PPME1: variants seen among roughly 807,000 people sequenced by gnomAD.
PPME1 encodes the protein testicular secretory protein Li 39.
Under a neutral mutation model 56.9 loss-of-function variants are expected in PPME1, and 17 were observed. The observed-to-expected ratio is 0.30, with a 90% confidence interval of 0.20 to 0.45. The LOEUF is 0.45. Among genes scored for constraint, PPME1 ranks in the 20% least tolerant of loss-of-function variants. The pLI, the probability that PPME1 is intolerant of heterozygous loss-of-function variation, is 1.00. For synonymous variants in PPME1, 122 were observed against 156.2 expected, an observed-to-expected ratio of 0.78 and a Z score of 1.63; for missense variants, 357 against 483.2, an observed-to-expected ratio of 0.74 and a Z score of 2.45.
intron 1 of PPME1, among the ~76,000 whole-genome samples, chr11:74,180,287 T>G (rs964351809): frequency 1.2e-4 from 19 of 152,206 alleles, no homozygotes; most frequent in African/African-American, 3.6e-4. Context: ...ATTGGTCAAC[T>G]GTGTATTCCT....
intron 1 of PPME1, among the ~76,000 whole-genome samples, chr11:74,196,218 T>G (rs950366982): frequency 3.9e-5 from 6 of 152,244 alleles, no homozygotes; most frequent in African/African-American, 1.4e-4. Context: ...AGCCATAGTA[T>G]GAAAATGGCA....
chr11:74,209,118 T>C (rs1858405184), intron 3 of PPME1, among the ~76,000 whole-genome samples: 1 of 152,172 alleles, frequency 6.6e-6, no homozygotes, highest in Non-Finnish European at 1.5e-5. Flanking sequence ...TGTTTGCTTT[T>C]GTTTTTGATA....
chr11:74,183,701 C>T (rs1000972176), intron 1 of PPME1, among the ~76,000 whole-genome samples: 2 of 151,902 alleles, frequency 1.3e-5, no homozygotes, highest in African/African-American at 4.8e-5. Context: ...AATTCTTTTT[C>T]TTAGCTTTTC....
At chr11:74,218,832 A>T (rs1023298240) in intron 3 of PPME1, among the ~76,000 whole-genome samples, 12 of 152,126 alleles carry the variant, frequency 7.9e-5, no homozygotes, top group Non-Finnish European at 1.8e-4. Flanking sequence ...CTGTGGAAAG[A>T]TTTTTTTTGA....
chr11:74,202,841 A>G (rs1858206450), intron 1 of PPME1, among the ~76,000 whole-genome samples: 1 of 152,186 alleles, frequency 6.6e-6, no homozygotes, highest in South Asian at 2.1e-4. Flanking sequence ...CCTTTCCAAG[A>G]TACCATAAAT....
intron 2 of PPME1, among the ~76,000 whole-genome samples, chr11:74,204,081 T>G (rs182303654): frequency 1.3e-5 from 2 of 151,860 alleles, no homozygotes; most frequent in African/African-American, 4.8e-5. Context: ...GTTTCATGAG[T>G]CAAGTGAGTT....
At chr11:74,247,994 TTC>T (rs1859550977) in intron 11 of PPME1, 1 of 152,604 alleles carries the variant, frequency 6.6e-6, no homozygotes, top group South Asian at 2.1e-4. Flanking sequence ...AGCTTTAGTC[TTC>T]TTAATCTGGA....
At chr11:74,183,034 C>A (rs773635890) in intron 1 of PPME1, among the ~76,000 whole-genome samples, 1 of 150,378 alleles carries the variant, frequency 6.6e-6, no homozygotes, top group Non-Finnish European at 1.5e-5. Context: ...CAGTGGCTCA[C>A]GCTTGTAATC....
intron 1 of PPME1, among the ~76,000 whole-genome samples, chr11:74,192,848 TACC>T (rs1400853606): frequency 1.3e-5 from 2 of 152,208 alleles, no homozygotes; most frequent in Non-Finnish European, 2.9e-5. Context: ...CAGATGCTGG[TACC>T]ATGCAGAACC....
intron 9 of PPME1, among the ~76,000 whole-genome samples, chr11:74,240,487 G>T (rs1859328821): frequency 6.6e-6 from 1 of 152,144 alleles, no homozygotes; most frequent in South Asian, 2.1e-4. Context: ...GGATGGTTTC[G>T]ATTATAAACA....
intron 3 of PPME1, among the ~76,000 whole-genome samples, chr11:74,213,917 T>TC (rs1349911631): frequency 2.0e-5 from 3 of 152,178 alleles, no homozygotes; most frequent in African/African-American, 7.2e-5. Context: ...ACCTAACTCT[T>TC]CAATGCCCAG....
At chr11:74,183,514 A>T (rs1358930320) in intron 1 of PPME1, among the ~76,000 whole-genome samples, 1 of 152,120 alleles carries the variant, frequency 6.6e-6, no homozygotes, top group Non-Finnish European at 1.5e-5. Context: ...ATTTATATAT[A>T]TTATATATAT....
At chr11:74,224,987 T>C (rs1858897819) in intron 4 of PPME1, among the ~76,000 whole-genome samples, 2 of 152,154 alleles carry the variant, frequency 1.3e-5, no homozygotes, top group Non-Finnish European at 2.9e-5. Flanking sequence ...CTTATGCTGA[T>C]GTATAAGGAA....
rs370080190 is a variant in PPME1 at position 74,253,354 on chromosome 11, T to A, written c.1143-138T>A. ...TGAGAGCAGACCCTGGGTCCAGCTC[T>A]GGTCAGGGCTGTGAAATGGGTCAGA... On this transcript the variant is annotated intron_variant, in intron 13 of 13. Transcript: ENST00000328257. 4 of 830,430 alleles carry A rather than the reference T, an allele frequency of 4.8e-6. No individual in the cohort carries two copies. In the East Asian group the frequency reaches 7.9e-5, roughly 16 times the overall value. The allele number at this position is 830,430 out of a possible 1,614,324, so 51.4% of individuals were successfully genotyped here.
chr11:74,185,603 T>C (rs1857658816), intron 1 of PPME1, among the ~76,000 whole-genome samples: 1 of 151,970 alleles, frequency 6.6e-6, no homozygotes, highest in Admixed American at 6.5e-5. Flanking sequence ...TCAGTGGCTT[T>C]TTTTTTTGTT....
At chr11:74,199,152 C>T (rs74346498) in intron 1 of PPME1, among the ~76,000 whole-genome samples, 5,604 of 152,196 alleles carry the variant, frequency 0.037, 215 homozygotes, top group African/African-American at 0.098. Context: ...TTTCTATCAG[C>T]GCAAATTCTT....
intron 1 of PPME1, among the ~76,000 whole-genome samples, chr11:74,174,910 A>G (rs569918088): frequency 3.3e-5 from 5 of 152,336 alleles, no homozygotes; most frequent in African/African-American, 1.2e-4. Context: ...TCTAGAATCC[A>G]TTCACTTTTC....
At chr11:74,207,790 G>A (rs1258341067) in intron 3 of PPME1, among the ~76,000 whole-genome samples, 1 of 152,184 alleles carries the variant, frequency 6.6e-6, no homozygotes, top group Non-Finnish European at 1.5e-5. Context: ...GATCTCATTA[G>A]CACATGCAGC....
intron 9 of PPME1, among the ~76,000 whole-genome samples, chr11:74,244,393 G>A (rs764782910): frequency 8.5e-5 from 13 of 152,150 alleles, no homozygotes; most frequent in Non-Finnish European, 1.5e-4. Context: ...GTACACAAGG[G>A]TTCCTTCCGA....
Sources: allele counts gnomAD v4.1 joint callset (sites outside exome capture counted in the v4.1 genomes callset), GRCh38; gene constraint gnomAD v4.1.1; transcripts MANE v1.5; gene names NCBI Gene and HGNC (gene_info 2026-07-23, HGNC 2026-07-21).